Variants in THTPA observed in about 807,000 individuals in gnomAD.
The protein encoded by THTPA is thiamine triphosphatase.
A neutral mutation model predicts 16.5 loss-of-function variants in THTPA; 16 were observed. The observed-to-expected ratio is 0.97, with a 90% CI of 0.66 to 1.47. The LOEUF is 1.47. Ranked by LOEUF, THTPA falls within the 40% of genes most tolerant of loss-of-function variation. THTPA has a pLI of 0.00. For missense variants in THTPA, 281 were observed against 280.9 expected (o/e 1.00, Z 0.00); for synonymous variants, 110 against 115.5 (o/e 0.95, Z 0.30).
chr14:23,535,053 C>T, the THTPA span: 1 of 1,536,156 alleles, frequency 6.5e-7, no homozygotes, highest in Non-Finnish European at 8.7e-7. The surrounding 1 kb of genome is among the most constrained non-coding windows in gnomAD (Gnocchi z 4.5). Flanking sequence ...CCTTTTCCAC[C>T]CCTGGGTCAT....
the THTPA span, chr14:23,526,515 G>A: frequency 5.9e-6 from 9 of 1,535,908 alleles, no homozygotes; most frequent in African/African-American, 1.4e-5. Flanking sequence ...ATGGTGGGCG[G>A]AGGAGCTACG....
chr14:23,534,359 C>T, the THTPA span: 3 of 1,536,730 alleles, frequency 2.0e-6, no homozygotes, highest in Non-Finnish European at 2.6e-6. This position sits in a 1 kb window ranked among gnomAD's most constrained non-coding sequence, Gnocchi z 4.5. Flanking sequence ...GGGGGGCCAT[C>T]CTCTGTCTGG....
At chr14:23,528,647 G>C in the THTPA span, 8 of 985,260 alleles carry the variant, frequency 8.1e-6, no homozygotes, top group South Asian at 2.8e-4. Context: ...TCAGAAGCCA[G>C]CTCATCCTCC....
rs754763499 is a variant in THTPA at position 23,557,234 on chromosome 14, G to A, written c.477G>A (p.Glu159=). 3.1e-6 allele frequency: 5 copies of A among 1,613,270 alleles called. No homozygotes were observed. Among genetic ancestry groups the A allele is most frequent in the Non-Finnish European group, 4.2e-6 (5 of 1,179,966 alleles). ...TTGGCTACGCTGTGGGTGAGGTAGA[G>A]GCCCTGGTGCATGAGGAGGCTGAAG... The part of the protein sequence containing the change: ...ADFGYAVGEV[E]ALVHEEAEVP... Residue 159 remains glutamate (E), a synonymous_variant, in exon 1 of 2, where the codon GAG becomes GAA. Coordinates refer to ENST00000288014, the MANE Select transcript of THTPA (RefSeq NM_024328.6).
At position 23,556,454 on chromosome 14, in the gene THTPA, A is replaced by G; in HGVS notation, c.-304A>G. The stretch of plus-strand genomic sequence containing the variant: ...CAAGGTGTAGAGAGGGGGGCGTTGA[A>G]AGGACACCCGCTACCCGGCCTGCTT... On this transcript the variant is annotated 5_prime_UTR_variant, in exon 1 of 2. Transcript: ENST00000288014. 2.9e-6 allele frequency: 1 copy of G among 342,226 alleles called. No homozygotes were observed. The highest frequency in any genetic ancestry group is 5.2e-5 in the South Asian group (1 of 19,196). 21.2% of individuals were successfully genotyped at this position (342,226 alleles called of 1,614,324 possible).
chr14:23,526,373 G>A, the THTPA span: 8 of 1,536,206 alleles, frequency 5.2e-6, no homozygotes, highest in South Asian at 2.4e-5. Flanking sequence ...GCACTTATAG[G>A]GCCGGGCAGG....
chr14:23,518,162 G>T, the THTPA span, among the ~76,000 whole-genome samples: 1 of 152,270 alleles, frequency 6.6e-6, no homozygotes, highest in South Asian at 2.1e-4. This position sits in a 1 kb window ranked among gnomAD's most constrained non-coding sequence, Gnocchi z 4.5. Flanking sequence ...TTCTGAGGGT[G>T]TGTTTGTTTG....
chr14:23,531,597 C>G, the THTPA span: 1 of 1,526,624 alleles, frequency 6.6e-7, no homozygotes, highest in Non-Finnish European at 8.8e-7. Context: ...CTGGGCATCG[C>G]GGTGGGCAGG....
At chr14:23,514,458 G>T in the THTPA span, 1 of 152,746 alleles carries the variant, frequency 6.5e-6, no homozygotes, top group Middle Eastern at 3.4e-3. Flanking sequence ...GGAGGGAAGG[G>T]CTGGCTTGCT....
the THTPA span, among the ~76,000 whole-genome samples, chr14:23,539,196 T>C: frequency 6.6e-6 from 1 of 152,088 alleles, no homozygotes; most frequent in East Asian, 1.9e-4. Context: ...TGTGGAGAAA[T>C]AGAAGACATT....
the THTPA span, chr14:23,522,571 G>T: frequency 6.5e-7 from 1 of 1,527,572 alleles, no homozygotes; most frequent in Non-Finnish European, 8.8e-7. Flanking sequence ...GCTGTTGGAA[G>T]TAGGCCCCCT....
chr14:23,523,854 G>T, the THTPA span: 1 of 1,536,196 alleles, frequency 6.5e-7, no homozygotes, highest in Non-Finnish European at 8.7e-7. The surrounding 1 kb of genome is among the most constrained non-coding windows in gnomAD (Gnocchi z 4.1). Flanking sequence ...GAATCACTCA[G>T]ATCTCCTGCA....
At chr14:23,549,109 T>C in the THTPA span, among the ~76,000 whole-genome samples, 2 of 152,214 alleles carry the variant, frequency 1.3e-5, no homozygotes, top group South Asian at 4.1e-4. Context: ...CTTTTTCTGT[T>C]GACCTCCACT....
chr14:23,533,671 G>C, the THTPA span: 2 of 1,537,892 alleles, frequency 1.3e-6, no homozygotes, highest in Admixed American at 2.0e-5. The surrounding 1 kb of genome is among the most constrained non-coding windows in gnomAD (Gnocchi z 4.8). Flanking sequence ...TGGGAGTGAT[G>C]CCTCTGGTGG....
At chr14:23,516,582 A>G in the THTPA span, among the ~76,000 whole-genome samples, 1 of 152,224 alleles carries the variant, frequency 6.6e-6, no homozygotes, top group Non-Finnish European at 1.5e-5. Context: ...AAACCTCATC[A>G]TTGAGAATCA....
the THTPA span, chr14:23,534,566 C>A: frequency 1.1e-5 from 17 of 1,536,114 alleles, no homozygotes; most frequent in South Asian, 2.0e-4. This position sits in a 1 kb window ranked among gnomAD's most constrained non-coding sequence, Gnocchi z 4.5. Context: ...TGTGTGTGAT[C>A]CATAAAGGCC....
In THTPA at chr14:23,557,265, A is replaced by C. The variant is rs772577215; in HGVS notation, c.508A>C (p.Thr170Pro). ...GGTGCATGAGGAGGCTGAAGTACCA[A>C]CTGCCCTAGAGAAGATCCACAGGCT... ...ALVHEEAEVP[T>P]ALEKIHRLSS... The change falls in exon 1 of 2, where the codon ACT (threonine) becomes CCT (proline). Residue 170 changes from threonine (T) to proline (P), a missense_variant. Thr to Pro is a conservative substitution (Grantham distance 38). Coordinates refer to ENST00000288014, the MANE Select transcript of THTPA (RefSeq NM_024328.6). 2 of 1,609,588 alleles carry C rather than the reference A, an allele frequency of 1.2e-6. No individual in the cohort carries two copies. Among genetic ancestry groups the C allele is most frequent in the South Asian group, 2.2e-5 (2 of 91,012 alleles).
chr14:23,532,927 C>G, the THTPA span: 1 of 1,536,188 alleles, frequency 6.5e-7, no homozygotes, highest in Non-Finnish European at 8.7e-7. Flanking sequence ...AGAGCAGCAG[C>G]TCCAGGCTGT....
At chr14:23,539,780 C>T in the THTPA span, among the ~76,000 whole-genome samples, 89 of 152,316 alleles carry the variant, frequency 5.8e-4, no homozygotes, top group African/African-American at 2.0e-3. Flanking sequence ...GGAAACACTA[C>T]TGCTCCCTAG....
Sources: allele counts gnomAD v4.1 joint callset (sites outside exome capture counted in the v4.1 genomes callset), GRCh38; gene constraint gnomAD v4.1.1; non-coding constraint Gnocchi (gnomAD v3.1); transcripts MANE v1.5; gene names NCBI Gene and HGNC (gene_info 2026-07-23, HGNC 2026-07-21).